NUP155: variants seen among roughly 807,000 people sequenced by gnomAD.
NUP155 encodes nuclear pore complex protein Nup155.
A neutral mutation model predicts 180.4 loss-of-function variants in NUP155; 71 were observed. The observed-to-expected ratio is 0.39, with a 90% CI of 0.33 to 0.48. The LOEUF (loss-of-function observed/expected upper bound fraction) is 0.48, where lower values mean the gene tolerates loss of function less well. Ranked by LOEUF, NUP155 falls within the 20% of genes least tolerant of loss-of-function variation. The pLI is 0.91. For synonymous variants in NUP155, 582 were observed against 559.5 expected (o/e 1.04, Z -0.57); for missense variants, 1,553 against 1,648.9 (o/e 0.94, Z 1.01).
intron 4 of NUP155, among the ~76,000 whole-genome samples, chr5:37,355,601 C>T (rs941868361): frequency 3.5e-5 from 5 of 142,510 alleles, no homozygotes; most frequent in Non-Finnish European, 6.0e-5. Flanking sequence ...TTTTCAGAGG[C>T]GATGTCTCAC....
At position 37,292,932 on chromosome 5, in the gene NUP155, A is replaced by G. The variant is rs1420486768; in HGVS notation, c.3984T>C (p.His1328=). 6.2e-7 allele frequency: 1 copy of G among 1,612,594 alleles called. No homozygotes were observed. The highest frequency in any genetic ancestry group is 8.5e-7 in the Non-Finnish European group (1 of 1,179,050). Reference sequence around the variant, plus strand: ...TCTCAACATATCTTATCAATAATACATGTATACAATCCAAAAGGTGCAGTG... The same window carrying G: ...TCTCAACATATCTTATCAATAATACGTGTATACAATCCAAAAGGTGCAGTG... ...KKPLHLLDCI[H]VLLIRYVENP... is the part of the protein sequence containing the mutation. Residue 1328 remains histidine (H), a synonymous_variant, in exon 34 of 35, where the codon CAT becomes CAC. Transcript: ENST00000231498.
rs531544614 is a variant in NUP155, at chr5:37,370,646, A to T, written c.157+175T>A. ...CCCTCTCAAGTATCTACAATGAAGA[A>T]AGTGAGGAAAGGAAAAAACCTGAAA... On this transcript the variant is annotated intron_variant, in intron 1 of 34. Coordinates refer to ENST00000231498, the MANE Select transcript of NUP155 (RefSeq NM_153485.3). 3.8e-4 allele frequency: 588 copies of T among 1,564,036 alleles called. 8 individuals carry two copies. In the South Asian group the frequency reaches 6.7e-3, roughly 18 times the overall value.
intron 4 of NUP155, 80 bp downstream of exon 4, chr5:37,358,001 T>C: frequency 1.0e-6 from 1 of 988,642 alleles, no homozygotes; most frequent in Non-Finnish European, 1.6e-6. Flanking sequence ...TCGAAAAAAA[T>C]GTGTGTTGTT....
intron 33 of NUP155, chr5:37,293,200 G>C (rs1273390251): frequency 2.0e-6 from 1 of 487,970 alleles, no homozygotes; most frequent in East Asian, 3.8e-5. Flanking sequence ...ATATTACTTA[G>C]GAGGCATATT....
At chr5:37,360,357 C>A (rs576064081) in intron 3 of NUP155, among the ~76,000 whole-genome samples, 1 of 151,396 alleles carries the variant, frequency 6.6e-6, no homozygotes, top group African/African-American at 2.4e-5. Context: ...TGGTGGCACA[C>A]GCTTGTATTC....
At chr5:37,347,401 T>C (rs1746164143) in intron 9 of NUP155, among the ~76,000 whole-genome samples, 1 of 151,756 alleles carries the variant, frequency 6.6e-6, no homozygotes, top group African/African-American at 2.4e-5. Flanking sequence ...AACATAAGAA[T>C]AAAAGAGTCT....
chr5:37,351,778 G>C (rs1341878864), intron 5 of NUP155, among the ~76,000 whole-genome samples: 1 of 151,932 alleles, frequency 6.6e-6, no homozygotes, highest in Middle Eastern at 3.2e-3. Flanking sequence ...AATTAACATA[G>C]TCAACAGCTT....
chr5:37,304,246 T>G (rs527940574), intron 27 of NUP155, among the ~76,000 whole-genome samples: 1 of 71,250 alleles, frequency 1.4e-5, no homozygotes, highest in Non-Finnish European at 2.2e-5. Context: ...CCAGACTCCA[T>G]CTCAAAAAAA....
chr5:37,310,696 G>T lies in NUP155; in HGVS notation c.2484C>A (p.Ile828=). ...ATGCCCCTGTGAGTTCTTTGTCCCT[G>T]ATTACAAGATCTTTAAAGGTGGTGA... ...LKITTFKDLV[I]RDKELTGALI... Residue 828 remains isoleucine, a synonymous_variant, in exon 23 of 35, where the codon ATC becomes ATA. Transcript: ENST00000231498. The T allele has an allele frequency of 1.9e-6, 3 of 1,613,786 alleles. No homozygotes were observed. Among genetic ancestry groups the T allele is most frequent in the Non-Finnish European group, 2.5e-6 (3 of 1,179,876 alleles).
intron 24 of NUP155, among the ~76,000 whole-genome samples, chr5:37,308,518 G>A (rs994113008): frequency 3.9e-5 from 6 of 152,002 alleles, no homozygotes; most frequent in African/African-American, 1.4e-4. Context: ...CTAACATGGT[G>A]AAACCCATCT....
intron 34 of NUP155, among the ~76,000 whole-genome samples, chr5:37,292,413 T>C (rs932487783): frequency 1.3e-5 from 2 of 152,132 alleles, no homozygotes; most frequent in South Asian, 2.1e-4. Flanking sequence ...AGATGGGGTT[T>C]CACGTGTTAG....
chr5:37,359,300 A>T (rs1747049517), intron 3 of NUP155, among the ~76,000 whole-genome samples: 2 of 151,998 alleles, frequency 1.3e-5, no homozygotes, highest in African/African-American at 2.4e-5. Flanking sequence ...CTAGAAAAAT[A>T]GGGAAATACA....
rs1159124618 is a variant in NUP155, at chr5:37,365,764, C to T, written c.158-1380G>A. 2.9e-3 allele frequency among the ~76,000 whole-genome samples: 364 copies of T among 127,610 alleles called. 9 individuals are homozygous for T. The highest frequency in any genetic ancestry group is 8.4e-3 in the African/African-American group (273 of 32,636). The allele number at this position is 127,610 out of a possible 152,430, so 83.7% of individuals were successfully genotyped here. ...ATATATATATATATACACACACACA[C>T]ACACACACACACACACACACACACA... On this transcript the variant is annotated intron_variant, in intron 1 of 34. Transcript: ENST00000231498.
intron 10 of NUP155, among the ~76,000 whole-genome samples, chr5:37,341,678 C>A (rs908375977): frequency 2.6e-5 from 4 of 152,090 alleles, no homozygotes; most frequent in Non-Finnish European, 4.4e-5. Context: ...GTAGCTGGGA[C>A]TACAGGTGCC....
rs1027008492 is a variant in NUP155, at chr5:37,310,729, C to T, written c.2451G>A (p.Gln817=). The T allele has an allele frequency of 1.2e-6, 2 of 1,613,484 alleles. No individual in the cohort carries two copies. Among genetic ancestry groups the T allele is most frequent in the Non-Finnish European group, 1.7e-6 (2 of 1,179,622 alleles). ...VAELQKELQE[Q]LKITTFKDLV... ...GATCTTTAAAGGTGGTGATCTTCAG[C>T]TGCTCTTGAAGTTCCTAGGAGCATA... The change falls in exon 23 of 35, where the codon CAG becomes CAA. Residue 817 remains glutamine, a synonymous_variant. Transcript: ENST00000231498.
In NUP155 at chr5:37,358,104, A is replaced by G. The variant is rs1157140598; in HGVS notation, c.440T>C (p.Val147Ala). ...ACCTGCTTTTGGCTTCACAAGCCCCACAGCAAGAATAGTCTCACTAAGTCC... is the reference window on the plus strand; with the variant it reads ...ACCTGCTTTTGGCTTCACAAGCCCCGCAGCAAGAATAGTCTCACTAAGTCC... ...FDGLSETILAVGLVKPKAGIF... is the reference protein window; with the variant it reads ...FDGLSETILAAGLVKPKAGIF... The change falls in exon 4 of 35, where the codon GTG becomes GCG. Residue 147 changes from valine (V) to alanine (A), a missense_variant. Coordinates refer to ENST00000231498, the MANE Select transcript of NUP155 (RefSeq NM_153485.3). The G allele has an allele frequency of 1.2e-6, 2 of 1,613,148 alleles. No individual in the cohort carries two copies. The highest frequency in any genetic ancestry group is 1.7e-6 in the Non-Finnish European group (2 of 1,179,190).
chr5:37,306,686 C>T (rs367703864), intron 25 of NUP155, among the ~76,000 whole-genome samples: 45 of 151,942 alleles, frequency 3.0e-4, no homozygotes, highest in African/African-American at 8.0e-4. Flanking sequence ...AGGCTGGTCT[C>T]GAACTCCTGA....
At chr5:37,340,535 T>A (rs182118807) in intron 11 of NUP155, among the ~76,000 whole-genome samples, 21 of 151,864 alleles carry the variant, frequency 1.4e-4, no homozygotes, top group African/African-American at 4.6e-4. Flanking sequence ...GCTACTGACA[T>A]AAGGATGGAT....
At chr5:37,343,880 G>A (rs1409171591) in intron 9 of NUP155, among the ~76,000 whole-genome samples, 1 of 151,962 alleles carries the variant, frequency 6.6e-6, no homozygotes, top group African/African-American at 2.4e-5. Flanking sequence ...AACAGACTGA[G>A]ACTCTATCTC....
Sources: gnomAD v4.1 joint callset for allele counts (sites outside exome capture counted in the v4.1 genomes callset) on GRCh38, gnomAD v4.1.1 for gene constraint, MANE v1.5 for transcripts, NCBI Gene and HGNC (gene_info 2026-07-23, HGNC 2026-07-21) for gene names.